Variants in CLSTN2 observed in about 807,000 individuals in gnomAD.
CLSTN2 encodes calsyntenin-2.
A neutral mutation model predicts 101.2 loss-of-function variants in CLSTN2; 48 were observed. That is an observed-to-expected ratio of 0.47 (90% CI 0.38 to 0.60). The LOEUF is 0.60. CLSTN2 is among the 20% of genes least tolerant of loss of function. The probability of loss-of-function intolerance (pLI) is 0.00; values close to 1 mark genes in which losing one functional copy is unlikely to be tolerated. For missense variants in CLSTN2, 1,160 were observed against 1,238.2 expected (o/e 0.94, Z 0.95); for synonymous variants, 481 against 463.6 (o/e 1.04, Z -0.48).
intron 2 of CLSTN2, among the ~76,000 whole-genome samples, chr3:140,261,963 T>C (rs947920293): frequency 1.6e-4 from 25 of 152,176 alleles, no homozygotes; most frequent in Admixed American, 1.6e-3. Context: ...TGAGAATTAT[T>C]TCAAGGTCAA....
intron 2 of CLSTN2, among the ~76,000 whole-genome samples, chr3:140,368,300 C>A (rs1476162145): frequency 1.3e-5 from 2 of 152,214 alleles, no homozygotes; most frequent in African/African-American, 4.8e-5. Flanking sequence ...GCACCATCAA[C>A]AAGCTCTCTC....
chr3:140,465,703 T>A (rs1027325345), intron 7 of CLSTN2, among the ~76,000 whole-genome samples: 1 of 152,210 alleles, frequency 6.6e-6, no homozygotes, highest in African/African-American at 2.4e-5. Context: ...AATGTCATGA[T>A]ATAGTTAAGG....
intron 6 of CLSTN2, among the ~76,000 whole-genome samples, chr3:140,453,563 GTAA>G (rs1190472932): frequency 8.5e-5 from 13 of 152,178 alleles, no homozygotes; most frequent in Admixed American, 6.5e-4. Flanking sequence ...GGCAACTATA[GTAA>G]TAATACTGTA....
chr3:139,989,716 C>A (rs1428491426), intron 1 of CLSTN2, among the ~76,000 whole-genome samples: 1 of 152,182 alleles, frequency 6.6e-6, no homozygotes, highest in African/African-American at 2.4e-5. Context: ...TGTCAAATGG[C>A]AAGCACCTCT....
rs112543060 is a variant in CLSTN2 at position 140,321,563 on chromosome 3, C to A, written c.233-82066C>A. 6.4e-3 allele frequency among the ~76,000 whole-genome samples: 970 copies of A among 152,240 alleles called. 10 individuals carry two copies. The highest frequency in any genetic ancestry group is 0.022 in the African/African-American group (919 of 41,522). On this transcript the variant is annotated intron_variant, in intron 2 of 16. Coordinates refer to ENST00000458420, the MANE Select transcript of CLSTN2 (RefSeq NM_022131.3). Reference sequence around the variant, plus strand: ...GACCCTCCAAGCTAATAATGTAACACCCCTGCAAGCTGATAGTCCTTAAAT... The same window carrying A: ...GACCCTCCAAGCTAATAATGTAACAACCCTGCAAGCTGATAGTCCTTAAAT...
At position 140,060,351 on chromosome 3, in the gene CLSTN2, TA is replaced by T. The variant is rs1278412692; in HGVS notation, c.110-115599del. 3.9e-5 allele frequency among the ~76,000 whole-genome samples: 6 copies of T among 152,272 alleles called. No individual in the cohort carries two copies. The East Asian group carries it at 1.2e-3, about 29-fold the overall frequency. ...TGGGGGTCATGGGAAGAAGACTGCC[TA>T]TGACTCTTACTATAGCTGCCTCACT... On this transcript the variant is annotated intron_variant, in intron 1 of 16. Transcript: ENST00000458420.
intron 2 of CLSTN2, among the ~76,000 whole-genome samples, chr3:140,271,104 A>G (rs1442490413): frequency 6.6e-6 from 1 of 152,144 alleles, no homozygotes; most frequent in Non-Finnish European, 1.5e-5. Context: ...TGGCTCACCA[A>G]ACAGCTGATG....
chr3:139,973,042 A>G (rs1426044), intron 1 of CLSTN2, among the ~76,000 whole-genome samples: 15,894 of 152,300 alleles, frequency 0.1, 965 homozygotes, highest in East Asian at 0.15. Context: ...CAGGTTCTTG[A>G]TCAGACTGGT....
intron 16 of CLSTN2, among the ~76,000 whole-genome samples, chr3:140,564,464 A>C (rs1004063183): frequency 2.6e-5 from 4 of 152,270 alleles, no homozygotes; most frequent in African/African-American, 9.6e-5. Flanking sequence ...TATTTAGCTC[A>C]GAGCTAACTA....
chr3:140,100,092 T>G (rs1323481659), intron 1 of CLSTN2, among the ~76,000 whole-genome samples: 2 of 152,090 alleles, frequency 1.3e-5, no homozygotes, highest in African/African-American at 4.8e-5. Context: ...CCTACATACA[T>G]GGGCTGGATT....
intron 2 of CLSTN2, among the ~76,000 whole-genome samples, chr3:140,277,812 A>G (rs911718137): frequency 1.3e-5 from 2 of 152,194 alleles, no homozygotes; most frequent in African/African-American, 4.8e-5. Flanking sequence ...CAAAGACACT[A>G]CAATTAATAG....
chr3:140,385,981 C>T (rs551159820), intron 2 of CLSTN2, among the ~76,000 whole-genome samples: 2 of 152,282 alleles, frequency 1.3e-5, no homozygotes, highest in East Asian at 3.9e-4. Flanking sequence ...GTGATCTGCT[C>T]TGAGGGTCAT....
At chr3:140,429,103 G>A (rs2088602318) in intron 5 of CLSTN2, among the ~76,000 whole-genome samples, 1 of 152,168 alleles carries the variant, frequency 6.6e-6, no homozygotes, top group Admixed American at 6.5e-5. Context: ...CATTAGATTA[G>A]CAGCAACTAA....
chr3:140,330,176 G>A (rs1179807896), intron 2 of CLSTN2, among the ~76,000 whole-genome samples: 2 of 152,216 alleles, frequency 1.3e-5, no homozygotes, highest in Non-Finnish European at 2.9e-5. Flanking sequence ...GATTCCCAGT[G>A]TCTGATTTGG....
intron 1 of CLSTN2, among the ~76,000 whole-genome samples, chr3:140,097,786 G>A (rs2008896109): frequency 6.6e-6 from 1 of 152,126 alleles, no homozygotes; most frequent in Admixed American, 6.5e-5. Context: ...ATTGTCACAG[G>A]TGTTTGGAGT....
intron 1 of CLSTN2, among the ~76,000 whole-genome samples, chr3:140,050,187 A>G (rs1057277774): frequency 2.0e-5 from 3 of 152,228 alleles, no homozygotes; most frequent in Non-Finnish European, 4.4e-5. Context: ...AATCTTGAGC[A>G]AATCCACAAA....
chr3:140,164,849 G>A (rs950387366), intron 1 of CLSTN2, among the ~76,000 whole-genome samples: 1 of 152,102 alleles, frequency 6.6e-6, no homozygotes, highest in African/African-American at 2.4e-5. Flanking sequence ...AGTATTTATG[G>A]GTAGAAAATG....
At chr3:140,441,667 C>T (rs960043075) in intron 5 of CLSTN2, among the ~76,000 whole-genome samples, 10 of 152,290 alleles carry the variant, frequency 6.6e-5, no homozygotes, top group Non-Finnish European at 1.3e-4. Flanking sequence ...CCCTACCCAC[C>T]GTTGGGTCCT....
chr3:140,440,075 G>A (rs1258080055), intron 5 of CLSTN2, among the ~76,000 whole-genome samples: 2 of 152,210 alleles, frequency 1.3e-5, no homozygotes, highest in African/African-American at 2.4e-5. Flanking sequence ...AGGGAGAGTG[G>A]AGGCTGGGGT....
Sources: allele counts gnomAD v4.1 joint callset (sites outside exome capture counted in the v4.1 genomes callset), GRCh38; gene constraint gnomAD v4.1.1; transcripts MANE v1.5; gene names NCBI Gene and HGNC (gene_info 2026-07-23, HGNC 2026-07-21).